The following TENM1 variants were observed in gnomAD, a reference collection of about 807,000 sequenced individuals.
TENM1 encodes the protein teneurin-1.
Under a neutral mutation model 174.8 loss-of-function variants are expected in TENM1, and 35 were observed. That is an observed-to-expected ratio of 0.20 (90% CI 0.15 to 0.27). The LOEUF (loss-of-function observed/expected upper bound fraction) is 0.27. Among genes scored for constraint, TENM1 ranks in the 10% least tolerant of loss-of-function variants. TENM1 has a pLI of 1.00. For missense variants in TENM1, 1,633 were observed against 2,130.1 expected, an observed-to-expected ratio of 0.77 and a Z score of 4.59; for synonymous variants, 781 against 798.7, an observed-to-expected ratio of 0.98 and a Z score of 0.37.
At position 124,577,560 on chromosome X, in the gene TENM1, G is replaced by A. The variant is rs938930455; in HGVS notation, c.2078-12000C>T. On this transcript the variant is annotated intron_variant, in intron 11 of 31. Coordinates refer to ENST00000422452, the Ensembl canonical transcript of TENM1. ...CTATGGCAATCATCAAGGCTCTATG[G>A]TTATTAGTGTCATCTGAACTTTAAG... Among the ~76,000 whole-genome samples, 9 of 111,652 alleles carry A rather than the reference G, an allele frequency of 8.1e-5. 1 individual carries two copies. Among genetic ancestry groups the A allele is most frequent in the African/African-American group, 2.9e-4 (9 of 30,721 alleles).
intron 1 of TENM1, among the ~76,000 whole-genome samples, chrX:124,934,103 G>A (rs2058211632): frequency 8.9e-6 from 1 of 112,073 alleles, no homozygotes; most frequent in African/African-American, 3.2e-5. Flanking sequence ...TTTTGATGCA[G>A]ACTGTTCTAT....
At position 124,652,005 on chromosome X, in the gene TENM1, G is replaced by A. The variant is rs2051320683; in HGVS notation, c.1488C>T (p.Phe496=). The stretch of plus-strand genomic sequence containing the variant: ...AAGGTCCTTGATCCATATACTCTAT[G>A]AAACCTGTCTCCTGAAGCGAAGTTA... Residue 496 remains phenylalanine, a synonymous_variant, in exon 8 of 32, where the codon TTC becomes TTT. Coordinates refer to ENST00000422452, the Ensembl canonical transcript of TENM1. The A allele has an allele frequency of 6.6e-6, 8 of 1,211,640 alleles. No homozygotes were observed. In the African/African-American group the frequency reaches 1.2e-4, roughly 18 times the overall value.
chrX:124,508,427 C>T (rs2047499979), intron 18 of TENM1, among the ~76,000 whole-genome samples: 2 of 112,410 alleles, frequency 1.8e-5, no homozygotes, highest in African/African-American at 6.5e-5. Flanking sequence ...GATTTCCTAA[C>T]GTTGAACCAT....
At chrX:124,841,414 A>G (rs960696530) in intron 3 of TENM1, among the ~76,000 whole-genome samples, 2 of 111,471 alleles carry the variant, frequency 1.8e-5, no homozygotes, top group African/African-American at 6.5e-5. Context: ...GCAAAGGCAA[A>G]AAGATTTCCT....
chrX:125,169,125 T>C, the TENM1 span, among the ~76,000 whole-genome samples: 1 of 110,953 alleles, frequency 9.0e-6, no homozygotes, highest in African/African-American at 3.3e-5. Context: ...CCAGGAATAT[T>C]TGCAAGCTGA....
the TENM1 span, among the ~76,000 whole-genome samples, chrX:125,012,252 C>T: frequency 9.0e-6 from 1 of 111,654 alleles, no homozygotes; most frequent in African/African-American, 3.3e-5. Context: ...TTAAAACCTA[C>T]ATGACGGATT....
the TENM1 span, among the ~76,000 whole-genome samples, chrX:125,113,404 T>C: frequency 9.0e-6 from 1 of 110,924 alleles, no homozygotes; most frequent in Non-Finnish European, 1.9e-5. Flanking sequence ...TAAAACCCCA[T>C]GAGATACAAT....
intron 1 of TENM1, among the ~76,000 whole-genome samples, chrX:124,920,012 C>T (rs1051227635): frequency 8.1e-5 from 9 of 110,624 alleles, no homozygotes; most frequent in Non-Finnish European, 1.3e-4. Context: ...AATGCTTCCT[C>T]GATGTCACAC....
chrX:125,118,857 T>C, the TENM1 span, among the ~76,000 whole-genome samples: 1 of 111,846 alleles, frequency 8.9e-6, no homozygotes, highest in Non-Finnish European at 1.9e-5. Flanking sequence ...ATTCCTCTGA[T>C]ATGAAATTCT....
chrX:125,042,962 A>G, the TENM1 span, among the ~76,000 whole-genome samples: 1 of 111,532 alleles, frequency 9.0e-6, no homozygotes, highest in Non-Finnish European at 1.9e-5. Flanking sequence ...TTGCAAGGAA[A>G]TCAACTCTAG....
At chrX:125,139,858 G>GGAGAGAGAGAGAGAGA in the TENM1 span, among the ~76,000 whole-genome samples, 1 of 89,910 alleles carries the variant, frequency 1.1e-5, no homozygotes, top group Non-Finnish European at 2.2e-5. Context: ...ACACACACAC[G>GGAGAGAGAGAGAGAGA]GAGAGAGAGA....
the TENM1 span, among the ~76,000 whole-genome samples, chrX:124,998,942 T>A: frequency 5.4e-5 from 6 of 111,532 alleles, no homozygotes; most frequent in African/African-American, 1.9e-4. Flanking sequence ...CTAGGAGGAA[T>A]CTTTCTTTGA....
the TENM1 span, among the ~76,000 whole-genome samples, chrX:124,987,753 T>TG: frequency 1.0e-5 from 1 of 99,228 alleles, no homozygotes; most frequent in Non-Finnish European, 2.1e-5. Flanking sequence ...GATTACAAAA[T>TG]TTTTTACCTT....
At chrX:124,429,910 G>T (rs1489004945) in intron 23 of TENM1, among the ~76,000 whole-genome samples, 4 of 112,136 alleles carry the variant, frequency 3.6e-5, no homozygotes, top group African/African-American at 1.3e-4. Context: ...AATGTCTCTT[G>T]CTGAGAATCA....
chrX:124,409,360 G>A (rs1269951921), intron 25 of TENM1, among the ~76,000 whole-genome samples: 2 of 109,386 alleles, frequency 1.8e-5, no homozygotes, highest in African/African-American at 3.3e-5. Flanking sequence ...ATTAGGTATT[G>A]ATGGGACGTA....
chrX:124,682,879 C>G (rs980325937), intron 5 of TENM1, among the ~76,000 whole-genome samples: 1 of 110,938 alleles, frequency 9.0e-6, no homozygotes, highest in African/African-American at 3.3e-5. Context: ...GATATAATAT[C>G]CTATTTTGAA....
the TENM1 span, among the ~76,000 whole-genome samples, chrX:124,986,173 A>C: frequency 4.5e-5 from 5 of 111,696 alleles, no homozygotes; most frequent in Non-Finnish European, 9.4e-5. Flanking sequence ...AAGACCTTTC[A>C]ATCAGTAAAA....
chrX:125,033,550 C>A, the TENM1 span, among the ~76,000 whole-genome samples: 1 of 111,750 alleles, frequency 8.9e-6, no homozygotes, highest in African/African-American at 3.3e-5. Flanking sequence ...GTAGAAAAAG[C>A]AGCCTCTTAC....
chrX:124,659,756 T>C (rs755868004), intron 6 of TENM1, among the ~76,000 whole-genome samples: 1 of 111,766 alleles, frequency 8.9e-6, no homozygotes, highest in Non-Finnish European at 1.9e-5. Context: ...ATCAAGATAA[T>C]GAGTACTGGC....
Sources: gnomAD v4.1 joint callset for allele counts (sites outside exome capture counted in the v4.1 genomes callset) on GRCh38, gnomAD v4.1.1 for gene constraint, MANE v1.5 for transcripts, NCBI Gene and HGNC (gene_info 2026-07-23, HGNC 2026-07-21) for gene names.